The following EXOC2 variants were observed in gnomAD, a reference collection of about 807,000 sequenced individuals.
EXOC2 encodes SEC5-like 1.
EXOC2 carries 70 observed loss-of-function variants against 131.8 expected under a neutral mutation model. The ratio of observed to expected loss-of-function variants is 0.53; its 90% CI spans 0.44 to 0.65. The LOEUF (loss-of-function observed/expected upper bound fraction) is 0.65. Among genes scored for constraint, EXOC2 ranks in the 30% least tolerant of loss-of-function variants. The probability of loss-of-function intolerance (pLI) is 0.00; values close to 1 mark genes in which losing one functional copy is unlikely to be tolerated. For synonymous variants in EXOC2, 411 were observed against 398.4 expected (o/e 1.03, Z -0.38); for missense variants, 923 against 1,108.6 (o/e 0.83, Z 2.38).
intron 12 of EXOC2, among the ~76,000 whole-genome samples, chr6:575,452 C>T (rs1033180970): frequency 2.0e-5 from 3 of 152,192 alleles, no homozygotes; most frequent in African/African-American, 7.2e-5. Context: ...CCATCCTCTC[C>T]CTCACTCCCT....
chr6:689,573 T>C (rs1457193127), intron 1 of EXOC2, among the ~76,000 whole-genome samples: 1 of 152,172 alleles, frequency 6.6e-6, no homozygotes, highest in Non-Finnish European at 1.5e-5. Context: ...AACGGATCCT[T>C]CCTACCTCTG....
At chr6:678,215 A>G (rs1764241555) in intron 1 of EXOC2, among the ~76,000 whole-genome samples, 1 of 152,218 alleles carries the variant, frequency 6.6e-6, no homozygotes, top group African/African-American at 2.4e-5. Flanking sequence ...ATGGAGAGGG[A>G]GAAAAGACAC....
At chr6:582,663 G>C (rs897895414) in intron 11 of EXOC2, among the ~76,000 whole-genome samples, 1 of 151,978 alleles carries the variant, frequency 6.6e-6, no homozygotes, top group African/African-American at 2.4e-5. Context: ...TATCAAGGCA[G>C]AGTTACAAAT....
chr6:504,887 T>C (rs1279375427), intron 23 of EXOC2, among the ~76,000 whole-genome samples: 3 of 152,146 alleles, frequency 2.0e-5, no homozygotes, highest in Non-Finnish European at 4.4e-5. Context: ...GGGAGGAGCA[T>C]CTTGCCAATT....
At chr6:656,448 C>T in intron 1 of EXOC2, 1 of 1,613,360 alleles carries the variant, frequency 6.2e-7, no homozygotes, top group East Asian at 2.2e-5. Context: ...CACGATGCTC[C>T]TCAGCGTCCT....
chr6:598,773 A>T (rs1416625719), intron 9 of EXOC2, 87 bp downstream of exon 9: 7 of 1,076,794 alleles, frequency 6.5e-6, no homozygotes, highest in Non-Finnish European at 9.5e-6. Context: ...AAAACTAAAA[A>T]CTCATATAAC....
chr6:548,093 G>C (rs1189416313), intron 22 of EXOC2, among the ~76,000 whole-genome samples: 2 of 152,186 alleles, frequency 1.3e-5, no homozygotes, highest in South Asian at 4.1e-4. Flanking sequence ...CTTTTTTACT[G>C]CAAGATAGCA....
Position 550,390 on chromosome 6 carries a change from A to G in EXOC2, c.2122-1099T>C, listed in dbSNP as rs1208050341. Reference sequence around the variant, plus strand: ...AATTTCATTCAGCTCAGCAGTTTCCAAAAACTTTCTAGATTCTTTTATTTT... The same window carrying G: ...AATTTCATTCAGCTCAGCAGTTTCCGAAAACTTTCTAGATTCTTTTATTTT... On this transcript the variant is annotated intron_variant, in intron 21 of 27. Transcript: ENST00000230449. Among the ~76,000 whole-genome samples the G allele has an allele frequency of 3.2e-4, 48 of 152,234 alleles. 1 individual carries two copies. Among genetic ancestry groups the G allele is most frequent in the Admixed American group, 3.1e-3 (48 of 15,282 alleles).
chr6:626,283 C>A (rs1023240583), intron 4 of EXOC2, among the ~76,000 whole-genome samples: 3 of 152,082 alleles, frequency 2.0e-5, no homozygotes, highest in African/African-American at 7.2e-5. Context: ...TCAAAGACAG[C>A]CAACAAATGC....
intron 6 of EXOC2, among the ~76,000 whole-genome samples, chr6:614,360 T>C (rs1760876315): frequency 6.6e-6 from 1 of 152,220 alleles, no homozygotes; most frequent in South Asian, 2.1e-4. Flanking sequence ...TGGCTGCAAG[T>C]ACTCCATGTG....
chr6:527,835 T>C (rs1451647110), intron 23 of EXOC2, among the ~76,000 whole-genome samples: 1 of 152,200 alleles, frequency 6.6e-6, no homozygotes, highest in African/African-American at 2.4e-5. Context: ...TTAAATAATA[T>C]ACATTAATTT....
chr6:624,976 G>C (rs1761481826), intron 4 of EXOC2, among the ~76,000 whole-genome samples: 1 of 152,232 alleles, frequency 6.6e-6, no homozygotes, highest in Non-Finnish European at 1.5e-5. Context: ...GACTGAAAGT[G>C]ACAGAGACCC....
chr6:648,093 T>C (rs1196730325), intron 1 of EXOC2, among the ~76,000 whole-genome samples: 2 of 152,194 alleles, frequency 1.3e-5, no homozygotes, highest in African/African-American at 2.4e-5. Context: ...TCATTTAATT[T>C]ACAAATATAA....
intron 5 of EXOC2, among the ~76,000 whole-genome samples, chr6:619,005 C>T (rs140301353): frequency 1.3e-5 from 2 of 152,224 alleles, no homozygotes; most frequent in East Asian, 3.9e-4. Context: ...AAGCCAGGTC[C>T]TTACATGATG....
intron 4 of EXOC2, among the ~76,000 whole-genome samples, chr6:629,527 G>A (rs17756850): frequency 0.15 from 22,856 of 152,090 alleles, 1,933 homozygotes; most frequent in African/African-American, 0.18. Flanking sequence ...TTTGACTTCA[G>A]GTGCCATCTA....
intron 2 of EXOC2, 92 bp downstream of exon 2, chr6:637,609 T>C: frequency 1.1e-6 from 1 of 922,750 alleles, no homozygotes; most frequent in East Asian, 2.6e-5. Context: ...GTTTGTTCTA[T>C]CACCTTCACT....
At chr6:676,186 A>ACT (rs201818391) in intron 1 of EXOC2, among the ~76,000 whole-genome samples, 1 of 70,006 alleles carries the variant, frequency 1.4e-5, no homozygotes, top group Non-Finnish European at 3.1e-5. Flanking sequence ...TCCTCTGGAG[A>ACT]CTGCGGTTCC....
intron 13 of EXOC2, among the ~76,000 whole-genome samples, chr6:567,880 C>T (rs1353573967): frequency 6.6e-6 from 1 of 152,192 alleles, no homozygotes; most frequent in East Asian, 1.9e-4. Flanking sequence ...GGCAGATCTG[C>T]CAGGCGTAAC....
rs1224334035 is a variant in EXOC2, at chr6:677,042, AGCTTTCTCTGGAGACTCTGC to A, written c.-44+15957_-44+15976del. Among the ~76,000 whole-genome samples, 226 of 59,134 alleles carry A rather than the reference AGCTTTCTCTGGAGACTCTGC, an allele frequency of 3.8e-3. 45 individuals carry two copies. Among genetic ancestry groups the A allele is most frequent in the East Asian group, 0.028 (2 of 72 alleles). 38.8% of individuals were successfully genotyped at this position (59,134 alleles called of 152,430 possible). A position where few individuals can be genotyped will look rare whatever the true frequency, so the allele number is the denominator to read the frequency against. On this transcript the variant is annotated intron_variant, in intron 1 of 27. Coordinates refer to ENST00000230449, the MANE Select transcript of EXOC2 (RefSeq NM_018303.6). ...TACTCTTCAACATTACGGAAAGGAC[AGCTTTCTCTGGAGACTCTGC>A]GGTTCCCCATACTCTTCAACATTAC...
Sources: allele counts gnomAD v4.1 joint callset (sites outside exome capture counted in the v4.1 genomes callset), GRCh38; gene constraint gnomAD v4.1.1; transcripts MANE v1.5; gene names NCBI Gene and HGNC (gene_info 2026-07-23, HGNC 2026-07-21).